The following PRRC2A variants were observed in gnomAD, a reference collection of about 807,000 sequenced individuals.
The protein encoded by PRRC2A is proline rich coiled-coil 2A.
PRRC2A carries 59 observed loss-of-function variants against 224.6 expected under a neutral mutation model. The observed-to-expected ratio is 0.26, with a 90% CI of 0.21 to 0.33. The LOEUF (loss-of-function observed/expected upper bound fraction) is 0.33, where lower values mean the gene tolerates loss of function less well. Ranked by LOEUF, PRRC2A falls within the 10% of genes least tolerant of loss-of-function variation. The pLI is 1.00. For synonymous variants in PRRC2A, 1,194 were observed against 1,109.5 expected (o/e 1.08, Z -1.51); for missense variants, 3,095 against 2,880.7 (o/e 1.07, Z -1.70).
In PRRC2A at chr6:31,636,029, A is replaced by G. The variant is rs1451476693; in HGVS notation, c.5604A>G (p.Thr1868=). 1.9e-6 allele frequency: 3 copies of G among 1,612,572 alleles called. No individual in the cohort carries two copies. The African/African-American group carries it at 4.0e-5, about 22-fold the overall frequency. ...HPNSGGFRPG[T]PSLHPYRSQP... Reference sequence around the variant, plus strand: ...ACAGTGGAGGCTTCCGCCCTGGGACACCCTCACTGCACCCTTACAGGTAAG... The same window carrying G: ...ACAGTGGAGGCTTCCGCCCTGGGACGCCCTCACTGCACCCTTACAGGTAAG... Residue 1868 remains threonine, a synonymous_variant, in exon 25 of 31, where the codon ACA becomes ACG. Coordinates refer to ENST00000376033, the MANE Select transcript of PRRC2A (RefSeq NM_004638.4). This position sits in a 1 kb window ranked among gnomAD's most constrained non-coding sequence, Gnocchi z 4.3.
At position 31,633,461 on chromosome 6, in the gene PRRC2A, G is replaced by C; in HGVS notation, c.4402G>C (p.Val1468Leu). The C allele has an allele frequency of 6.2e-7, 1 of 1,613,104 alleles. No homozygotes were observed. Among genetic ancestry groups the C allele is most frequent in the Non-Finnish European group, 8.5e-7 (1 of 1,180,034 alleles). ...SSSAVFRLDQ[V>L]IHSNPAGIQQ... ...TTCTGCTGTCTTCCGCCTGGACCAAGTTATCCACAGCAACCCTGCTGGCAT... is the reference window on the plus strand; with the variant it reads ...TTCTGCTGTCTTCCGCCTGGACCAACTTATCCACAGCAACCCTGCTGGCAT... Residue 1468 changes from valine (V) to leucine (L), a missense_variant, in exon 17 of 31, where the codon GTT becomes CTT. Transcript: ENST00000376033.
chr6:31,633,736 A>G (rs2242659), intron 17 of PRRC2A, 89 bp downstream of exon 17: 587,282 of 1,528,022 alleles, frequency 0.38, 115,858 homozygotes, highest in African/African-American at 0.6. Flanking sequence ...TGGCCTAGGG[A>G]CCCTGCTGCT....
rs761205289 is a variant in PRRC2A, at chr6:31,627,099, G to C, written c.1191G>C (p.Arg397=). 1.2e-6 allele frequency: 2 copies of C among 1,614,082 alleles called. No homozygotes were observed. Among genetic ancestry groups the C allele is most frequent in the South Asian group, 1.1e-5 (1 of 91,078 alleles). The change falls in exon 11 of 31, where the codon CGG becomes CGC. Residue 397 remains arginine, a synonymous_variant. Transcript: ENST00000376033. The surrounding 1 kb of genome is among the most constrained non-coding windows in gnomAD (Gnocchi z 5.6). ...TPKTAWAETS[R]PPETEPGPPA... ...AGACGGCCTGGGCAGAAACCTCTCG[G>C]CCTCCAGAGACAGAGCCGGGACCTC...
In PRRC2A at chr6:31,631,883, A is replaced by G. The variant is rs574075964; in HGVS notation, c.3210A>G (p.Thr1070=). 39 of 1,610,890 alleles carry G rather than the reference A, an allele frequency of 2.4e-5. No individual in the cohort carries two copies. Among genetic ancestry groups the G allele is most frequent in the African/African-American group, 1.1e-4 (8 of 75,020 alleles). Residue 1070 remains threonine (T), a synonymous_variant, in exon 16 of 31, where the codon ACA becomes ACG. Coordinates refer to ENST00000376033, the MANE Select transcript of PRRC2A (RefSeq NM_004638.4). The surrounding 1 kb of genome is among the most constrained non-coding windows in gnomAD (Gnocchi z 4.5). ...FRGDDGRGGG[T]GGPNHPPAPR... is the part of the protein sequence containing the mutation. ...GAGATGATGGGCGTGGAGGTGGGAC[A>G]GGGGGACCAAACCACCCTCCTGCTC...
rs113600245 is a variant in PRRC2A, at chr6:31,632,994, T to A, written c.4319+2T>A. On this transcript the variant is annotated splice_donor_variant, in intron 16 of 30. Coordinates refer to ENST00000376033, the MANE Select transcript of PRRC2A (RefSeq NM_004638.4). LOFTEE classifies it high-confidence loss of function. ...CTGGCCCTCTCCCAAGAACCGAAGG[T>A]GGGTAGGAACAAACAAATTTATTGT... 1 of 1,548,074 alleles carries A rather than the reference T, an allele frequency of 6.5e-7. No individual in the cohort carries two copies. Among genetic ancestry groups the A allele is most frequent in the African/African-American group, 1.4e-5 (1 of 72,252 alleles).
rs192236332 is a variant in PRRC2A at position 31,627,616 on chromosome 6, A to G, written c.1291-149A>G. The G allele has an allele frequency of 1.6e-4, 168 of 1,021,556 alleles. 1 individual carries two copies. In the East Asian group the frequency reaches 4.2e-3, roughly 25 times the overall value. 63.3% of individuals were successfully genotyped at this position (1,021,556 alleles called of 1,614,324 possible). On this transcript the variant is annotated intron_variant, in intron 11 of 30. Transcript: ENST00000376033. This position sits in a 1 kb window ranked among gnomAD's most constrained non-coding sequence, Gnocchi z 5.6. ...AGACGTGGTCTCAAAGAAGACCAGG[A>G]TAATGAGTTTGTCACCACCCAGAGA...
intron 12 of PRRC2A, 52 bp from the exon 13 acceptor site, chr6:31,629,092 T>G (rs556505819): frequency 8.3e-6 from 13 of 1,568,580 alleles, no homozygotes; most frequent in Non-Finnish European, 1.1e-5. Context: ...GGGGTGTTCA[T>G]GGAGTGTCTA....
Position 31,631,943 on chromosome 6 carries a change from G to A in PRRC2A, c.3270G>A (p.Glu1090=). The change falls in exon 16 of 31, where the codon GAG becomes GAA. Residue 1090 remains glutamate (E), a synonymous_variant. Coordinates refer to ENST00000376033, the MANE Select transcript of PRRC2A (RefSeq NM_004638.4). This position sits in a 1 kb window ranked among gnomAD's most constrained non-coding sequence, Gnocchi z 4.5. ...GCACTGCCAGCGAGACACGGAGCGAGGGTTCAGAGTATGAGGAAATCCCCA... is the reference window on the plus strand; with the variant it reads ...GCACTGCCAGCGAGACACGGAGCGAAGGTTCAGAGTATGAGGAAATCCCCA... The part of the protein sequence containing the change: ...RGRTASETRS[E]GSEYEEIPKR... The A allele has an allele frequency of 6.2e-7, 1 of 1,612,884 alleles. No individual in the cohort carries two copies. Among genetic ancestry groups the A allele is most frequent in the East Asian group, 2.2e-5 (1 of 44,850 alleles).
Position 31,626,031 on chromosome 6 carries a change from G to T in PRRC2A, c.851G>T (p.Arg284Leu), listed in dbSNP as rs748817785. ...PTPDGPSRFP[R>L]VAGPRGSGPP... is the part of the protein sequence containing the mutation. ...TTTTTTGTGTACAGCCGTTTTCCCC[G>T]TGTGGCGGGCCCCCGAGGCTCAGGG... Residue 284 changes from arginine to leucine, a missense_variant, in exon 9 of 31, where the codon CGT becomes CTT. Transcript: ENST00000376033. 5.6e-6 allele frequency: 9 copies of T among 1,611,564 alleles called. No individual in the cohort carries two copies. The highest frequency in any genetic ancestry group is 4.4e-5 in the South Asian group (4 of 90,828).
intron 24 of PRRC2A, 32 bp from the exon 25 acceptor site, chr6:31,635,934 TA>T (rs1777285624): frequency 1.3e-6 from 2 of 1,557,956 alleles, no homozygotes; most frequent in East Asian, 4.5e-5. Flanking sequence ...CCACAGATAC[TA>T]AAGCTGTTTC....
intron 3 of PRRC2A, 66 bp downstream of exon 3, chr6:31,623,975 G>A: frequency 6.4e-7 from 1 of 1,571,688 alleles, no homozygotes. Flanking sequence ...GAGCATTGGG[G>A]CTTGGTTTAG....
chr6:31,628,622 A>G, intron 12 of PRRC2A: 1 of 268,610 alleles, frequency 3.7e-6, no homozygotes, highest in Non-Finnish European at 7.0e-6. Context: ...GGCGGGCAGA[A>G]CATGAGGTCA....
Position 31,637,440 on chromosome 6 carries a change from C to G in PRRC2A, c.6334-6C>G. On this transcript the variant is annotated splice_polypyrimidine_tract_variant and splice_region_variant and intron_variant, in intron 30 of 30. Coordinates refer to ENST00000376033, the MANE Select transcript of PRRC2A (RefSeq NM_004638.4). ...ACTCACTGTTTAACACATGCCTGTC[C>G]CCTAGGCCTCCCCACCAGATGCCCT... 6.3e-7 allele frequency: 1 copy of G among 1,583,718 alleles called. No individual in the cohort carries two copies. Among genetic ancestry groups the G allele is most frequent in the Non-Finnish European group, 8.6e-7 (1 of 1,162,508 alleles).
chr6:31,624,131 G>A, intron 3 of PRRC2A, 130 bp from the exon 4 acceptor site: 4 of 1,150,096 alleles, frequency 3.5e-6, no homozygotes, highest in Non-Finnish European at 5.0e-6. Context: ...TACAAAGGAT[G>A]ACAAAATTAA....
chr6:31,623,204 C>T (rs1441999738), intron 2 of PRRC2A: 1 of 664,362 alleles, frequency 1.5e-6, no homozygotes, highest in Admixed American at 1.8e-5. Context: ...CAACCAATCT[C>T]ACATAAAAGT....
At position 31,636,129 on chromosome 6, in the gene PRRC2A, G is replaced by A. The variant is rs766340472; in HGVS notation, c.5624+80G>A. On this transcript the variant is annotated intron_variant, in intron 25 of 30. Coordinates refer to ENST00000376033, the MANE Select transcript of PRRC2A (RefSeq NM_004638.4). This position sits in a 1 kb window ranked among gnomAD's most constrained non-coding sequence, Gnocchi z 4.3. ...AGGGAAGGGGAAGACACAGTTCTAG[G>A]GTACTAGAAGCTAGTGGACTTAAGG... 3.2e-6 allele frequency: 5 copies of A among 1,545,380 alleles called. No homozygotes were observed. Among genetic ancestry groups the A allele is most frequent in the Non-Finnish European group, 4.5e-6 (5 of 1,118,002 alleles).
chr6:31,629,560 A>AAGC lies in PRRC2A; in HGVS notation c.1983_1985dup (p.Gln661dup), dbSNP rs760207508. 2.5e-5 allele frequency: 39 copies of AAGC among 1,553,308 alleles called. No homozygotes were observed. The highest frequency in any genetic ancestry group is 1.7e-4 in the Middle Eastern group (1 of 5,950). On this transcript the variant is annotated inframe_insertion, in exon 14 of 31. Coordinates refer to ENST00000376033, the MANE Select transcript of PRRC2A (RefSeq NM_004638.4). The stretch of plus-strand genomic sequence containing the variant: ...CCTCCTTTCCTAGGAGCAGCTCCTG[A>AAGC]AGCAGCAGCAGCAGCACCAGTGGCA...
At position 31,623,716 on chromosome 6, in the gene PRRC2A, C is replaced by T. The variant is rs1775577411; in HGVS notation, c.113-16C>T. On this transcript the variant is annotated splice_polypyrimidine_tract_variant and intron_variant, in intron 2 of 30. Coordinates refer to ENST00000376033, the MANE Select transcript of PRRC2A (RefSeq NM_004638.4). ...ACATGAGGCATTTTCGACCCTCTCT[C>T]CGTCTTGTTCTCCAGTTGCCCCTCG... 1.2e-6 allele frequency: 2 copies of T among 1,613,278 alleles called. No homozygotes were observed. Among genetic ancestry groups the T allele is most frequent in the South Asian group, 2.2e-5 (2 of 91,044 alleles).
At position 31,625,587 on chromosome 6, in the gene PRRC2A, C is replaced by T; in HGVS notation, c.735C>T (p.Pro245=). 1.3e-6 allele frequency: 2 copies of T among 1,571,858 alleles called. No individual in the cohort carries two copies. Among genetic ancestry groups the T allele is most frequent in the Non-Finnish European group, 1.7e-6 (2 of 1,157,630 alleles). The change falls in exon 7 of 31, where the codon CCC becomes CCT. Residue 245 remains proline, a synonymous_variant. Transcript: ENST00000376033. The surrounding 1 kb of genome is among the most constrained non-coding windows in gnomAD (Gnocchi z 4.1). The stretch of plus-strand genomic sequence containing the variant: ...CTTCAGGCCCACCCCAGTTCCCTCC[C>T]TACCGCGGAATGATGCCGCCTTTCG... The part of the protein sequence containing the change: ...LQPSGPPQFP[P]YRGMMPPFMY...
Sources: allele counts gnomAD v4.1 joint callset, GRCh38; gene constraint gnomAD v4.1.1; non-coding constraint Gnocchi (gnomAD v3.1); transcripts MANE v1.5; gene names NCBI Gene and HGNC (gene_info 2026-07-23, HGNC 2026-07-21).